ZFYVE1: variants seen among roughly 807,000 people sequenced by gnomAD.
ZFYVE1 encodes the protein zinc finger FYVE domain-containing protein 1.
Under a neutral mutation model 74.4 loss-of-function variants are expected in ZFYVE1, and 30 were observed. The observed-to-expected ratio is 0.40, with a 90% CI of 0.30 to 0.55. ZFYVE1 has a LOEUF of 0.55. Among genes scored for constraint, ZFYVE1 ranks in the 20% least tolerant of loss-of-function variants. The pLI is 0.42. For synonymous variants in ZFYVE1, 335 were observed against 385.1 expected, an observed-to-expected ratio of 0.87 and a Z score of 1.52; for missense variants, 703 against 1,011.6, an observed-to-expected ratio of 0.69 and a Z score of 4.14.
chr14:73,009,434 C>T (rs1374989183), intron 2 of ZFYVE1, among the ~76,000 whole-genome samples: 1 of 152,188 alleles, frequency 6.6e-6, no homozygotes, highest in Non-Finnish European at 1.5e-5. Context: ...TCACCATCAG[C>T]TGGAAATTTC....
At chr14:72,984,190 CAAAT>C (rs935807072) in intron 4 of ZFYVE1, among the ~76,000 whole-genome samples, 1 of 152,090 alleles carries the variant, frequency 6.6e-6, no homozygotes, top group Admixed American at 6.6e-5. Context: ...AATGGTCTGA[CAAAT>C]AATGCATAAG....
intron 2 of ZFYVE1, among the ~76,000 whole-genome samples, chr14:73,015,161 G>A (rs2140384210): frequency 6.7e-6 from 1 of 149,056 alleles, no homozygotes; most frequent in African/African-American, 2.5e-5. Flanking sequence ...AACCCGGGAA[G>A]CAGAGGTTGC....
intron 1 of ZFYVE1, among the ~76,000 whole-genome samples, 189 bp downstream of exon 1, chr14:73,026,737 C>A (rs980204968): frequency 6.6e-6 from 1 of 151,040 alleles, no homozygotes; most frequent in Non-Finnish European, 1.5e-5. Flanking sequence ...AAAGAAGGTC[C>A]CCCAAAATCC....
chr14:72,984,534 A>C lies in ZFYVE1; in HGVS notation c.1204-2639T>G, dbSNP rs536744395. On this transcript the variant is annotated intron_variant, in intron 4 of 11. Transcript: ENST00000556143. ...ACAGGGTGAGACTCCGTCTCAAAAA[A>C]AAAAAAAATTGAAAACATGAAGATC... Among the ~76,000 whole-genome samples, 6 of 152,296 alleles carry C rather than the reference A, an allele frequency of 3.9e-5. No individual in the cohort carries two copies. In the South Asian group the frequency reaches 1.2e-3, roughly 32 times the overall value.
intron 2 of ZFYVE1, among the ~76,000 whole-genome samples, chr14:73,004,722 G>A (rs1258944962): frequency 2.6e-5 from 4 of 152,144 alleles, no homozygotes; most frequent in Non-Finnish European, 2.9e-5. Context: ...GCTAGGCCAG[G>A]TGCAGTGGCT....
chr14:72,983,475 G>A (rs1301527262), intron 4 of ZFYVE1, among the ~76,000 whole-genome samples: 2 of 151,056 alleles, frequency 1.3e-5, no homozygotes, highest in Non-Finnish European at 2.9e-5. Context: ...CCTTGCAATA[G>A]TTTGCTGAGA....
intron 2 of ZFYVE1, among the ~76,000 whole-genome samples, chr14:73,023,331 TA>T (rs1894376586): frequency 1.4e-5 from 1 of 69,904 alleles, no homozygotes; most frequent in African/African-American, 5.8e-5. Context: ...TAATATATAT[TA>T]TATATGTTTT....
At chr14:72,979,567 T>C (rs1893269436) in intron 5 of ZFYVE1, among the ~76,000 whole-genome samples, 2 of 151,058 alleles carry the variant, frequency 1.3e-5, no homozygotes, top group Non-Finnish European at 2.9e-5. Flanking sequence ...GGCAGGAGAA[T>C]CACTTGAATC....
chr14:72,981,859 C>A lies in ZFYVE1; in HGVS notation c.1240G>T (p.Asp414Tyr). 2 of 1,614,094 alleles carry A rather than the reference C, an allele frequency of 1.2e-6. No homozygotes were observed. Among genetic ancestry groups the A allele is most frequent in the South Asian group, 2.2e-5 (2 of 91,070 alleles). ...SDRFSGEIPD[D>Y]QMAHSSFFPD... is the part of the protein sequence containing the mutation. Reference sequence around the variant, plus strand: ...AAAAAGGAGCTGTGCGCCATCTGGTCATCGGGGATCTCACCGCTGAAGCGG... The same window carrying A: ...AAAAAGGAGCTGTGCGCCATCTGGTAATCGGGGATCTCACCGCTGAAGCGG... Residue 414 changes from aspartate to tyrosine, a missense_variant, in exon 5 of 12, where the codon GAC becomes TAC. This residue lies in a region of ZFYVE1 where 492 missense variants were observed against 790.0 expected (regional missense o/e 0.62). Transcript: ENST00000556143.
chr14:73,018,939 C>CAA (rs61506461), intron 2 of ZFYVE1, among the ~76,000 whole-genome samples: 8 of 85,682 alleles, frequency 9.3e-5, no homozygotes, highest in East Asian at 3.0e-4. Flanking sequence ...GACTCCATCT[C>CAA]AAAAAAAAAA....
chr14:73,003,054 CTT>C (rs201185010), intron 2 of ZFYVE1, among the ~76,000 whole-genome samples: 6 of 102,950 alleles, frequency 5.8e-5, no homozygotes, highest in South Asian at 3.4e-4. Context: ...TTTTTCTTTT[CTT>C]TTTTTTTTTT....
rs1894421930 is a variant in ZFYVE1 at position 73,024,797 on chromosome 14, CT to C, written c.-290del. 3.1e-6 allele frequency: 1 copy of C among 327,596 alleles called. No individual in the cohort carries two copies. Among genetic ancestry groups the C allele is most frequent in the Non-Finnish European group, 5.5e-6 (1 of 180,264 alleles). The allele number at this position is 327,596 out of a possible 1,614,324, so 20.3% of individuals were successfully genotyped here. A position where few individuals can be genotyped will look rare whatever the true frequency, so the allele number is the denominator to read the frequency against. On this transcript the variant is annotated 5_prime_UTR_variant, in exon 2 of 12. Coordinates refer to ENST00000556143, the MANE Select transcript of ZFYVE1 (RefSeq NM_021260.4). Reference sequence around the variant, plus strand: ...GTGGTCAAAATTGACTTGGAAGGGTCTTTTATGGCTATCTGAGAGAGGTCTG... The same window carrying C: ...GTGGTCAAAATTGACTTGGAAGGGTCTTTATGGCTATCTGAGAGAGGTCTG...
rs149495494 is a variant in ZFYVE1, at chr14:73,016,403, C to G, written c.483+7623G>C. ...GCGGGCGCCTATAGTCCCAGCTACT[C>G]AGGAGGCTGAGGCAAGAGAATGGCG... On this transcript the variant is annotated intron_variant, in intron 2 of 11. Coordinates refer to ENST00000556143, the MANE Select transcript of ZFYVE1 (RefSeq NM_021260.4). 8.0e-3 allele frequency among the ~76,000 whole-genome samples: 1,220 copies of G among 152,014 alleles called. 33 individuals are homozygous for G. Among genetic ancestry groups the G allele is most frequent in the Admixed American group, 0.041 (622 of 15,246 alleles).
intron 3 of ZFYVE1, 110 bp downstream of exon 3, chr14:72,997,701 A>G: frequency 7.2e-7 from 1 of 1,393,110 alleles, no homozygotes; most frequent in Non-Finnish European, 9.7e-7. Context: ...TCTTCTTTGG[A>G]CAGAAATCTT....
intron 4 of ZFYVE1, among the ~76,000 whole-genome samples, chr14:72,985,638 C>T (rs1893456507): frequency 6.6e-6 from 1 of 150,406 alleles, no homozygotes; most frequent in Admixed American, 6.7e-5. Context: ...GGCCAAGATG[C>T]TGAAGTATCT....
intron 1 of ZFYVE1, among the ~76,000 whole-genome samples, chr14:73,025,198 A>T (rs1461380397): frequency 6.6e-6 from 1 of 151,164 alleles, no homozygotes; most frequent in African/African-American, 2.4e-5. Flanking sequence ...CCTCCCAAGG[A>T]GCTGGGATTA....
chr14:72,998,505 G>C (rs1342386494), intron 2 of ZFYVE1, among the ~76,000 whole-genome samples, 190 bp from the exon 3 acceptor site: 1 of 150,456 alleles, frequency 6.6e-6, no homozygotes, highest in Non-Finnish European at 1.5e-5. Flanking sequence ...TTTAGTCAGG[G>C]AAATAACTTA....
intron 4 of ZFYVE1, among the ~76,000 whole-genome samples, chr14:72,983,763 T>C (rs1363409461): frequency 2.6e-5 from 4 of 152,202 alleles, no homozygotes; most frequent in Non-Finnish European, 5.9e-5. Flanking sequence ...TCTAGATTCT[T>C]GAGGAATCGC....
intron 2 of ZFYVE1, among the ~76,000 whole-genome samples, chr14:73,023,356 ATTATATATG>A (rs1567366940): frequency 9.8e-5 from 6 of 61,044 alleles, no homozygotes; most frequent in South Asian, 3.5e-4. Flanking sequence ...TATAATATAT[ATTATATATG>A]TTTTATATAT....
Sources: allele counts gnomAD v4.1 joint callset (sites outside exome capture counted in the v4.1 genomes callset), GRCh38; gene constraint gnomAD v4.1.1; regional missense constraint gnomAD v4.1.1; transcripts MANE v1.5; gene names NCBI Gene and HGNC (gene_info 2026-07-23, HGNC 2026-07-21).